Variants in DTNA observed in about 807,000 individuals in gnomAD.
DTNA encodes the protein dystrobrevin alpha.
In DTNA, 43 loss-of-function variants were observed where a neutral mutation model predicts 100.7. The observed-to-expected ratio is 0.43, with a 90% CI of 0.33 to 0.55. The LOEUF is 0.55. Among genes scored for constraint, DTNA ranks in the 20% least tolerant of loss-of-function variants. The pLI is 0.04. For synonymous variants in DTNA, 349 were observed against 347.9 expected, an observed-to-expected ratio of 1.00 and a Z score of -0.04; for missense variants, 798 against 953.9, an observed-to-expected ratio of 0.84 and a Z score of 2.15.
chr18:34,873,054 T>A (rs1031711243), intron 17 of DTNA, among the ~76,000 whole-genome samples: 1 of 152,208 alleles, frequency 6.6e-6, no homozygotes, highest in Non-Finnish European at 1.5e-5. Flanking sequence ...GAGGATTACA[T>A]GAAGTATTAG....
At chr18:34,647,570 G>C (rs2059993300) in intron 1 of DTNA, among the ~76,000 whole-genome samples, 1 of 152,140 alleles carries the variant, frequency 6.6e-6, no homozygotes, top group Admixed American at 6.5e-5. Context: ...AACAGTCAGT[G>C]GTCTTTGCCA....
chr18:34,870,236 C>T (rs2096752168), intron 17 of DTNA, among the ~76,000 whole-genome samples: 1 of 152,170 alleles, frequency 6.6e-6, no homozygotes, highest in African/African-American at 2.4e-5. Context: ...TTCCAAATTC[C>T]ATCTCCTACC....
chr18:34,681,144 G>T (rs1478701622), intron 1 of DTNA, among the ~76,000 whole-genome samples: 3 of 151,862 alleles, frequency 2.0e-5, no homozygotes, highest in Admixed American at 6.6e-5. Flanking sequence ...CCATTTCCTT[G>T]TATTAAAGTT....
chr18:34,876,574 G>T (rs1208106326), intron 18 of DTNA, among the ~76,000 whole-genome samples: 1 of 152,124 alleles, frequency 6.6e-6, no homozygotes, highest in East Asian at 1.9e-4. Flanking sequence ...ATTTTAATAA[G>T]TATCACTTTT....
chr18:34,824,955 T>TAAAA (rs1568660060), intron 9 of DTNA, among the ~76,000 whole-genome samples: 1 of 146,776 alleles, frequency 6.8e-6, no homozygotes. Flanking sequence ...AAAAAAAAAT[T>TAAAA]AAATCAATAG....
chr18:34,580,973 C>T (rs914150059), intron 1 of DTNA, among the ~76,000 whole-genome samples: 2 of 152,108 alleles, frequency 1.3e-5, no homozygotes, highest in Non-Finnish European at 2.9e-5. Context: ...AGGCTGGGCG[C>T]GGTGGCTCAC....
intron 9 of DTNA, among the ~76,000 whole-genome samples, chr18:34,824,430 C>T (rs1383076854): frequency 1.3e-5 from 2 of 151,390 alleles, no homozygotes; most frequent in Non-Finnish European, 2.9e-5. Flanking sequence ...GAGCCGAGAT[C>T]GCGCCACCGC....
chr18:34,648,977 T>C (rs1455515664), intron 1 of DTNA, among the ~76,000 whole-genome samples: 1 of 152,216 alleles, frequency 6.6e-6, no homozygotes, highest in Non-Finnish European at 1.5e-5. Flanking sequence ...TTTTTCAATT[T>C]AATGTTTTAG....
chr18:34,603,860 T>C (rs938937264), intron 1 of DTNA, among the ~76,000 whole-genome samples: 1 of 152,212 alleles, frequency 6.6e-6, no homozygotes, highest in Admixed American at 6.5e-5. Context: ...TTTTTCTTGG[T>C]AGTTTTTCTT....
At chr18:34,739,169 G>A (rs1016086217) in intron 1 of DTNA, among the ~76,000 whole-genome samples, 5 of 152,090 alleles carry the variant, frequency 3.3e-5, no homozygotes, top group African/African-American at 9.7e-5. Context: ...TCTGAGATTA[G>A]GATATAAGTG....
At chr18:34,662,389 A>T (rs1240083685) in intron 1 of DTNA, among the ~76,000 whole-genome samples, 3 of 152,146 alleles carry the variant, frequency 2.0e-5, no homozygotes, top group African/African-American at 7.2e-5. Context: ...CCCAAACATG[A>T]TATGGCAGGA....
In DTNA at chr18:34,815,871, T is replaced by C. The variant is rs1241459289; in HGVS notation, c.604-38T>C. On this transcript the variant is annotated intron_variant, in intron 6 of 22. Coordinates refer to ENST00000444659, the MANE Select transcript of DTNA (RefSeq NM_001386795.1). Reference sequence around the variant, plus strand: ...TTACATAGCAGGTAAATTGAGATGATTCTCTGTCCTAAATTTATGGGGGGT... The same window carrying C: ...TTACATAGCAGGTAAATTGAGATGACTCTCTGTCCTAAATTTATGGGGGGT... 6 of 1,543,762 alleles carry C rather than the reference T, an allele frequency of 3.9e-6. No individual in the cohort carries two copies. In the African/African-American group the frequency reaches 5.4e-5, roughly 14 times the overall value.
intron 1 of DTNA, among the ~76,000 whole-genome samples, chr18:34,657,573 C>T (rs769722354): frequency 2.0e-4 from 31 of 152,030 alleles, no homozygotes; most frequent in Non-Finnish European, 4.1e-4. Flanking sequence ...CATTAGAATA[C>T]CAACCATTTA....
intron 1 of DTNA, among the ~76,000 whole-genome samples, chr18:34,568,295 G>A (rs962506468): frequency 1.3e-5 from 2 of 152,162 alleles, no homozygotes; most frequent in African/African-American, 4.8e-5. Context: ...TTTGTGCAGT[G>A]ATATGATTTG....
At chr18:34,719,595 C>T (rs1368070137) in intron 1 of DTNA, among the ~76,000 whole-genome samples, 3 of 152,100 alleles carry the variant, frequency 2.0e-5, no homozygotes, top group Non-Finnish European at 2.9e-5. Flanking sequence ...ATACTTGTAA[C>T]GTGCTCACAA....
rs150353886 is a variant in DTNA, at chr18:34,653,737, G to A, written c.-1-102239G>A. Among the ~76,000 whole-genome samples, 469 of 152,186 alleles carry A rather than the reference G, an allele frequency of 3.1e-3. 2 individuals carry two copies. The highest frequency in any genetic ancestry group is 0.011 in the African/African-American group (439 of 41,528). On this transcript the variant is annotated intron_variant, in intron 1 of 19. Transcript: ENST00000283365. ...ACTTGGAGGCTGAGGCATGAGAATC[G>A]CTTGAACCCAGGAGGCAGAGGTTGC...
At chr18:34,709,717 G>C (rs2082555807), upstream of DTNA, among the ~76,000 whole-genome samples, 1 of 152,084 alleles carries the variant, frequency 6.6e-6, no homozygotes, top group African/African-American at 2.4e-5. Context: ...ACTGAAATCT[G>C]TTTAAATAAC....
intron 1 of DTNA, among the ~76,000 whole-genome samples, chr18:34,665,685 G>A (rs529314835): frequency 6.6e-6 from 1 of 151,926 alleles, no homozygotes; most frequent in Non-Finnish European, 1.5e-5. Flanking sequence ...TTGGTTTTTT[G>A]TCCTTGCGAT....
At chr18:34,700,021 A>G (rs1464445937) in intron 1 of DTNA, among the ~76,000 whole-genome samples, 2 of 152,198 alleles carry the variant, frequency 1.3e-5, no homozygotes. Flanking sequence ...AGGAGATTCT[A>G]TCTATGCAGT....
Sources: gnomAD v4.1 joint callset for allele counts (sites outside exome capture counted in the v4.1 genomes callset) on GRCh38, gnomAD v4.1.1 for gene constraint, MANE v1.5 for transcripts, NCBI Gene and HGNC (gene_info 2026-07-23, HGNC 2026-07-21) for gene names.